The following AKR1C4 variants were observed in gnomAD, a reference collection of about 807,000 sequenced individuals.
AKR1C4 encodes 3-alpha-HSD1.
Under a neutral mutation model 41.0 loss-of-function variants are expected in AKR1C4, and 44 were observed. That is an observed-to-expected ratio of 1.07 (90% CI 0.84 to 1.38). AKR1C4 has a LOEUF of 1.38. Ranked by LOEUF, AKR1C4 falls within the 40% of genes most tolerant of loss-of-function variation. AKR1C4 has a pLI of 0.00. For missense variants in AKR1C4, 438 were observed against 387.9 expected (o/e 1.13, Z -1.09); for synonymous variants, 165 against 137.7 (o/e 1.20, Z -1.39).
At chr10:5,217,895 C>A (rs1554798696) in intron 8 of AKR1C4, among the ~76,000 whole-genome samples, 1 of 152,074 alleles carries the variant, frequency 6.6e-6, no homozygotes, top group Admixed American at 6.5e-5. Flanking sequence ...GTGATGAGGG[C>A]AAAACAAGTT....
rs782013991 is a variant in AKR1C4, at chr10:5,212,683, T to C, written c.638T>C (p.Leu213Pro). The C allele has an allele frequency of 1.2e-6, 2 of 1,614,154 alleles. No individual in the cohort carries two copies. The highest frequency in any genetic ancestry group is 3.3e-5 in the Admixed American group (2 of 60,024). Residue 213 changes from leucine (L) to proline (P), a missense_variant, in exon 6 of 9, where the codon CTG (leucine) becomes CCG (proline). Coordinates refer to ENST00000263126, the MANE Select transcript of AKR1C4 (RefSeq NM_001818.5). ...TTCTGCAAGTCAAAAGACATTGTTC[T>C]GGTTGCCCACAGTGCTCTGGGAACC... is the stretch of plus-strand genomic sequence containing the variant. Reference protein sequence around the residue: ...LDFCKSKDIVLVAHSALGTQR... With the variant: ...LDFCKSKDIVPVAHSALGTQR...
Position 5,204,450 on chromosome 10 carries a change from A to C in AKR1C4, c.326A>C (p.Asp109Ala). The C allele has an allele frequency of 5.6e-6, 9 of 1,613,894 alleles. No homozygotes were observed. Among genetic ancestry groups the C allele is most frequent in the Non-Finnish European group, 7.6e-6 (9 of 1,179,814 alleles). ...AGCTCACTGAAAAAACTTCAACTGGACTATGTTGACCTCTATCTTCTTCAT... is the reference window on the plus strand; with the variant it reads ...AGCTCACTGAAAAAACTTCAACTGGCCTATGTTGACCTCTATCTTCTTCAT... ...LESSLKKLQL[D>A]YVDLYLLHFP... Residue 109 changes from aspartate to alanine, a missense_variant, in exon 3 of 9, where the codon GAC becomes GCC. Coordinates refer to ENST00000263126, the MANE Select transcript of AKR1C4 (RefSeq NM_001818.5).
intron 1 of AKR1C4, among the ~76,000 whole-genome samples, chr10:5,199,119 C>T (rs144734083): frequency 6.6e-6 from 1 of 152,232 alleles, no homozygotes; most frequent in African/African-American, 2.4e-5. Flanking sequence ...AGTGATTAAC[C>T]AGTAACTGCC....
intron 5 of AKR1C4, chr10:5,207,538 C>A (rs1588339866): frequency 1.8e-6 from 1 of 558,892 alleles, no homozygotes; most frequent in African/African-American, 2.0e-5. Flanking sequence ...TAAAGATGTC[C>A]CTGTACTTAC....
At chr10:5,209,411 A>G (rs945994623) in intron 5 of AKR1C4, among the ~76,000 whole-genome samples, 6 of 152,118 alleles carry the variant, frequency 3.9e-5, no homozygotes, top group African/African-American at 1.2e-4. Flanking sequence ...TTATAAAAAA[A>G]TTTTTTTCAC....
intron 7 of AKR1C4, among the ~76,000 whole-genome samples, chr10:5,215,908 C>T (rs1487844860): frequency 2.6e-5 from 4 of 152,198 alleles, no homozygotes; most frequent in African/African-American, 9.6e-5. Context: ...TCTAAAGCCA[C>T]TACCACATTT....
Position 5,201,113 on chromosome 10 carries a change from T to C in AKR1C4, c.252+765T>C, listed in dbSNP as rs1324633676. ...TATATATAATGACTTCTTTTCTTTT[T>C]GGTAGATACCAGTATTAGGATTGCT... is the stretch of plus-strand genomic sequence containing the variant. On this transcript the variant is annotated intron_variant, in intron 2 of 8. Transcript: ENST00000263126. 3.3e-5 allele frequency among the ~76,000 whole-genome samples: 5 copies of C among 152,146 alleles called. No individual in the cohort carries two copies. The East Asian group carries it at 9.6e-4, about 29-fold the overall frequency.
intron 2 of AKR1C4, chr10:5,202,543 T>G: frequency 2.3e-6 from 1 of 437,208 alleles, no homozygotes; most frequent in South Asian, 1.6e-5. Context: ...AGTACTATGT[T>G]TAATAGAAGT....
At chr10:5,217,481 C>T (rs112364681) in intron 8 of AKR1C4, among the ~76,000 whole-genome samples, 2,074 of 152,262 alleles carry the variant, frequency 0.014, 38 homozygotes, top group African/African-American at 0.046. Flanking sequence ...AGGGAAGAGC[C>T]AGGCTCAGTG....
chr10:5,199,598 A>T (rs1173900366), intron 1 of AKR1C4, among the ~76,000 whole-genome samples: 5 of 152,146 alleles, frequency 3.3e-5, no homozygotes, highest in Non-Finnish European at 5.9e-5. Flanking sequence ...AAATGCACCG[A>T]AAGGCACCAG....
At chr10:5,216,128 G>A (rs977453440) in intron 7 of AKR1C4, among the ~76,000 whole-genome samples, 5 of 152,162 alleles carry the variant, frequency 3.3e-5, no homozygotes, top group Non-Finnish European at 7.3e-5. Flanking sequence ...GACAGAGGAG[G>A]AAACATATCA....
At chr10:5,207,585 C>T (rs1003789927) in intron 5 of AKR1C4, 9 of 1,011,570 alleles carry the variant, frequency 8.9e-6, no homozygotes, top group Non-Finnish European at 4.3e-6. Flanking sequence ...ACTTGTCTCT[C>T]TCAGAAATTG....
At position 5,206,868 on chromosome 10, in the gene AKR1C4, CTT is replaced by C. The variant is rs1554797537; in HGVS notation, c.570+472_570+473del. Among the ~76,000 whole-genome samples the C allele has an allele frequency of 6.1e-4, 7 of 11,502 alleles. No individual in the cohort carries two copies. The Non-Finnish European group carries it at 0.01, about 17-fold the overall frequency. The allele number at this position is 11,502 out of a possible 152,430, so 7.5% of individuals were successfully genotyped here. On this transcript the variant is annotated intron_variant, in intron 5 of 8. Coordinates refer to ENST00000263126, the MANE Select transcript of AKR1C4 (RefSeq NM_001818.5). ...GGGTTTAGATGTCTGAATGCTTTTTCTTGTCATCTCTGTTTTCATAGTTCTTG... is the reference window on the plus strand; with the variant it reads ...GGGTTTAGATGTCTGAATGCTTTTTCGTCATCTCTGTTTTCATAGTTCTTG...
chr10:5,210,875 G>T (rs7477114), intron 5 of AKR1C4, among the ~76,000 whole-genome samples: 17,179 of 152,260 alleles, frequency 0.11, 1,185 homozygotes, highest in Admixed American at 0.17. Flanking sequence ...CTCCCAAAGT[G>T]CTGGGATTAC....
intron 5 of AKR1C4, 121 bp from the exon 6 acceptor site, chr10:5,212,495 G>T: frequency 1.0e-5 from 9 of 901,302 alleles, no homozygotes; most frequent in Non-Finnish European, 1.3e-5. Flanking sequence ...TAAAATGATT[G>T]TTACTTGACA....
chr10:5,212,662 G>C lies in AKR1C4; in HGVS notation c.617G>C (p.Cys206Ser). ...YLNQSKLLDF[C>S]KSKDIVLVAH... ...AACCAGAGCAAACTGCTGGATTTCT[G>C]CAAGTCAAAAGACATTGTTCTGGTT... is the stretch of plus-strand genomic sequence containing the variant. Residue 206 changes from cysteine to serine, a missense_variant, in exon 6 of 9, where the codon TGC becomes TCC. Coordinates refer to ENST00000263126, the MANE Select transcript of AKR1C4 (RefSeq NM_001818.5). 2 of 1,613,882 alleles carry C rather than the reference G, an allele frequency of 1.2e-6. No individual in the cohort carries two copies. Among genetic ancestry groups the C allele is most frequent in the Non-Finnish European group, 1.7e-6 (2 of 1,179,956 alleles).
intron 5 of AKR1C4, chr10:5,207,366 A>G: frequency 3.3e-6 from 1 of 299,502 alleles, no homozygotes; most frequent in South Asian, 3.4e-5. Context: ...AAATTCTAAA[A>G]GTCACTTTTC....
chr10:5,207,298 G>T, intron 5 of AKR1C4: 1 of 251,620 alleles, frequency 4.0e-6, no homozygotes. Flanking sequence ...CAATAAATTT[G>T]TAAATACCAT....
chr10:5,203,450 C>CCT (rs1421144998), intron 2 of AKR1C4, among the ~76,000 whole-genome samples: 1 of 152,126 alleles, frequency 6.6e-6, no homozygotes, highest in African/African-American at 2.4e-5. Context: ...TTATTTCTCA[C>CCT]CTCTCCCTAA....
Sources: allele counts gnomAD v4.1 joint callset (sites outside exome capture counted in the v4.1 genomes callset), GRCh38; gene constraint gnomAD v4.1.1; transcripts MANE v1.5; gene names NCBI Gene and HGNC (gene_info 2026-07-23, HGNC 2026-07-21).